Variants in MACROD2 observed in about 807,000 individuals in gnomAD.
MACROD2 encodes mono-ADP ribosylhydrolase 2.
Under a neutral mutation model 70.4 loss-of-function variants are expected in MACROD2, and 36 were observed. That is an observed-to-expected ratio of 0.51 (90% CI 0.39 to 0.68). MACROD2 has a LOEUF of 0.68. Ranked by LOEUF, MACROD2 falls within the 30% of genes least tolerant of loss-of-function variation. The pLI is 0.00. For synonymous variants in MACROD2, 172 were observed against 178.8 expected (o/e 0.96, Z 0.30); for missense variants, 496 against 538.4 (o/e 0.92, Z 0.78).
chr20:14,815,443 A>G (rs890644018), intron 5 of MACROD2, among the ~76,000 whole-genome samples: 5 of 152,048 alleles, frequency 3.3e-5, no homozygotes, highest in South Asian at 2.1e-4. Flanking sequence ...TTATAGATTT[A>G]ATATTTATCA....
At chr20:15,797,859 G>A (rs1414026993) in intron 8 of MACROD2, among the ~76,000 whole-genome samples, 1 of 152,184 alleles carries the variant, frequency 6.6e-6, no homozygotes, top group Non-Finnish European at 1.5e-5. Context: ...GCTCAACAAT[G>A]TGCATTTCTA....
At chr20:14,498,292 A>T (rs934872171) in intron 4 of MACROD2, among the ~76,000 whole-genome samples, 5 of 149,734 alleles carry the variant, frequency 3.3e-5, no homozygotes, top group Non-Finnish European at 5.9e-5. Context: ...CTATTGAAAT[A>T]AAAAAAAAGA....
Position 14,205,534 on chromosome 20 carries a change from G to A in MACROD2, c.271+119806G>A, listed in dbSNP as rs143265592. 7.8e-4 allele frequency among the ~76,000 whole-genome samples: 119 copies of A among 152,268 alleles called. 1 individual carries two copies. The highest frequency in any genetic ancestry group is 2.6e-3 in the African/African-American group (108 of 41,554). On this transcript the variant is annotated intron_variant, in intron 3 of 17. Transcript: ENST00000684519. ...TGGCTCCACCCCACCCTTCCGGTGCGCATGCGGGCCCTTAGTCTGACCCAC... is the reference window on the plus strand; with the variant it reads ...TGGCTCCACCCCACCCTTCCGGTGCACATGCGGGCCCTTAGTCTGACCCAC...
At chr20:15,227,821 C>CTTTTTTTTTTTTTTTT (rs1336974761) in intron 5 of MACROD2, among the ~76,000 whole-genome samples, 2 of 13,874 alleles carry the variant, frequency 1.4e-4, no homozygotes, top group Non-Finnish European at 2.5e-4. Flanking sequence ...AGAATTTCAC[C>CTTTTTTTTTTTTTTTT]TGTTTTTTTT....
chr20:15,630,726 A>G (rs769246614), intron 8 of MACROD2, among the ~76,000 whole-genome samples: 3 of 152,250 alleles, frequency 2.0e-5, no homozygotes, highest in Non-Finnish European at 2.9e-5. Context: ...ACAAAATGCA[A>G]GGGAGAGGGT....
At chr20:14,651,707 G>A (rs1464191405) in intron 4 of MACROD2, among the ~76,000 whole-genome samples, 3 of 152,178 alleles carry the variant, frequency 2.0e-5, no homozygotes, top group Admixed American at 1.3e-4. Flanking sequence ...TCCTGGAGGA[G>A]GATATATGCC....
At chr20:14,290,985 ATTAG>A (rs1326907412) in intron 3 of MACROD2, among the ~76,000 whole-genome samples, 2 of 152,230 alleles carry the variant, frequency 1.3e-5, no homozygotes, top group Non-Finnish European at 2.9e-5. Flanking sequence ...TCATGTTCAT[ATTAG>A]TTGATATATT....
At chr20:15,996,034 G>A (rs1164025335) in intron 15 of MACROD2, among the ~76,000 whole-genome samples, 1 of 152,040 alleles carries the variant, frequency 6.6e-6, no homozygotes, top group African/African-American at 2.4e-5. Context: ...AAGTGGGATG[G>A]CTGGATCATT....
intron 6 of MACROD2, among the ~76,000 whole-genome samples, chr20:15,365,333 C>T (rs555482422): frequency 6.6e-6 from 1 of 152,094 alleles, no homozygotes; most frequent in African/African-American, 2.4e-5. Context: ...CTTGGAGCCT[C>T]TCTATCCAAA....
rs143753302 is a variant in MACROD2 at position 15,395,824 on chromosome 20, ATC to A, written c.541-35575_541-35574del. Among the ~76,000 whole-genome samples, 14 of 152,330 alleles carry A rather than the reference ATC, an allele frequency of 9.2e-5. No individual in the cohort carries two copies. The East Asian group carries it at 2.7e-3, about 29-fold the overall frequency. On this transcript the variant is annotated intron_variant, in intron 6 of 17. Transcript: ENST00000684519. Reference sequence around the variant, plus strand: ...ACAAAGTCACTTTTGGTGTCCTTCTATCTCTCTGCTGCTCCTTTTCCTGCCAC... The same window carrying A: ...ACAAAGTCACTTTTGGTGTCCTTCTATCTCTGCTGCTCCTTTTCCTGCCAC...
chr20:14,905,228 G>A (rs957400720), intron 5 of MACROD2: 4 of 152,142 alleles, frequency 2.6e-5, no homozygotes, highest in Admixed American at 2.6e-4. Flanking sequence ...AGAATTCTGA[G>A]TCTTAAACTG....
chr20:15,819,314 C>CATATATATATAAATATATATAT (rs1418367221), intron 8 of MACROD2, among the ~76,000 whole-genome samples: 1 of 132,818 alleles, frequency 7.5e-6, no homozygotes, highest in African/African-American at 2.8e-5. Flanking sequence ...AATATATATA[C>CATATATATATAAATATATATAT]TTATATATAA....
chr20:14,793,045 A>G (rs533547682), intron 5 of MACROD2, among the ~76,000 whole-genome samples: 12 of 152,192 alleles, frequency 7.9e-5, no homozygotes, highest in Admixed American at 7.2e-4. Flanking sequence ...GTGGCAAGGA[A>G]TACAAAGGTA....
intron 3 of MACROD2, among the ~76,000 whole-genome samples, chr20:14,236,329 T>C (rs889674466): frequency 7.2e-5 from 11 of 152,174 alleles, no homozygotes; most frequent in African/African-American, 2.7e-4. Context: ...CCAGTTTATG[T>C]AATTCTTGAA....
chr20:14,546,663 G>A (rs564073696), intron 4 of MACROD2, among the ~76,000 whole-genome samples: 1 of 152,058 alleles, frequency 6.6e-6, no homozygotes, highest in African/African-American at 2.4e-5. Context: ...TCCTTCTTTT[G>A]ATCCCAACTT....
intron 3 of MACROD2, among the ~76,000 whole-genome samples, chr20:14,467,083 C>T (rs1438350117): frequency 6.6e-6 from 1 of 152,202 alleles, no homozygotes; most frequent in Non-Finnish European, 1.5e-5. Flanking sequence ...ACATTTAAGT[C>T]TGCAGAGGTT....
intron 4 of MACROD2, among the ~76,000 whole-genome samples, chr20:14,654,436 C>G (rs1357302472): frequency 6.6e-6 from 1 of 150,500 alleles, no homozygotes; most frequent in South Asian, 2.1e-4. Context: ...ATCCCAGCTA[C>G]TTGGGAGGCT....
intron 3 of MACROD2, among the ~76,000 whole-genome samples, chr20:14,192,846 C>T (rs75646988): frequency 1.5e-4 from 23 of 152,286 alleles, no homozygotes; most frequent in African/African-American, 5.5e-4. Context: ...TTTGCTTCTG[C>T]AAGTGGCAGA....
At chr20:15,550,531 T>G (rs1040257646) in intron 8 of MACROD2, among the ~76,000 whole-genome samples, 2 of 152,078 alleles carry the variant, frequency 1.3e-5, no homozygotes, top group Non-Finnish European at 2.9e-5. Context: ...GTCCTCCATA[T>G]TTTTTATTGT....
Sources: gnomAD v4.1 joint callset for allele counts (sites outside exome capture counted in the v4.1 genomes callset) on GRCh38, gnomAD v4.1.1 for gene constraint, MANE v1.5 for transcripts, NCBI Gene and HGNC (gene_info 2026-07-23, HGNC 2026-07-21) for gene names.